GALK2: variants seen among roughly 807,000 people sequenced by gnomAD.
GALK2 encodes N-acetylgalactosamine kinase.
A neutral mutation model predicts 52.4 loss-of-function variants in GALK2; 36 were observed. The observed-to-expected ratio is 0.69, with a 90% CI of 0.53 to 0.91. The LOEUF (loss-of-function observed/expected upper bound fraction) is 0.91. Among genes scored for constraint, GALK2 ranks in the 40% least tolerant of loss-of-function variants. GALK2 has a pLI of 0.00. For missense variants in GALK2, 579 were observed against 559.1 expected (o/e 1.04, Z -0.36); for synonymous variants, 176 against 199.1 (o/e 0.88, Z 0.98).
At chr15:49,315,171 A>G (rs1693340627) in intron 8 of GALK2, among the ~76,000 whole-genome samples, 1 of 152,234 alleles carries the variant, frequency 6.6e-6, no homozygotes. Context: ...TCTGAAGACT[A>G]TGACGTATAT....
At chr15:49,167,468 C>T (rs971266283), upstream of GALK2, among the ~76,000 whole-genome samples, 1 of 152,098 alleles carries the variant, frequency 6.6e-6, no homozygotes, top group Non-Finnish European at 1.5e-5. Context: ...AGCGATTCTC[C>T]CGCCTCAGCC....
In GALK2 at chr15:49,351,324, T is replaced by C. The variant is rs77183404; in HGVS notation, c.427-16167T>C. The stretch of plus-strand genomic sequence containing the variant: ...GTACTTAGCCACTCCTTTTAGATCA[T>C]GTTAAAGTCTTTCCTGGAAGATACG... On this transcript the variant is annotated intron_variant, in intron 3 of 3. Coordinates refer to the GALK2 transcript ENST00000558399. Among the ~76,000 whole-genome samples, 485 of 152,316 alleles carry C rather than the reference T, an allele frequency of 3.2e-3. 16 individuals are homozygous for C. In the East Asian group the frequency reaches 0.088, roughly 28 times the overall value.
chr15:49,268,742 A>G (rs1478476463), intron 5 of GALK2, among the ~76,000 whole-genome samples: 2 of 152,190 alleles, frequency 1.3e-5, no homozygotes, highest in Non-Finnish European at 2.9e-5. Flanking sequence ...AGACAATGTT[A>G]GCATCTTTTG....
At chr15:49,356,031 A>G (rs1042027396) in intron 3 of GALK2, among the ~76,000 whole-genome samples, 1 of 152,030 alleles carries the variant, frequency 6.6e-6, no homozygotes, top group African/African-American at 2.4e-5. Flanking sequence ...TTTACAGACA[A>G]GCAAATGCTG....
intron 3 of GALK2, among the ~76,000 whole-genome samples, chr15:49,343,127 T>C (rs1391894286): frequency 6.6e-6 from 1 of 152,194 alleles, no homozygotes; most frequent in Non-Finnish European, 1.5e-5. Flanking sequence ...GTTTTCTGTG[T>C]TGTATACTTT....
At chr15:49,318,861 T>G (rs1428217369) in intron 8 of GALK2, 1 of 434,074 alleles carries the variant, frequency 2.3e-6, no homozygotes, top group East Asian at 7.1e-5. Flanking sequence ...TTCACTCTAT[T>G]GAGCCTCCTT....
chr15:49,239,120 G>A (rs2090974122), intron 4 of GALK2, 101 bp from the exon 5 acceptor site: 3 of 941,204 alleles, frequency 3.2e-6, no homozygotes, highest in Non-Finnish European at 5.0e-6. Flanking sequence ...ACTATTATAA[G>A]TCTATTGATA....
rs769424963 is a variant in GALK2 at position 49,331,868 on chromosome 15, A to G, written c.*3709A>G. 69 of 1,502,762 alleles carry G rather than the reference A, an allele frequency of 4.6e-5. No homozygotes were observed. Among genetic ancestry groups the G allele is most frequent in the Middle Eastern group, 3.4e-4 (2 of 5,878 alleles). 93.1% of individuals were successfully genotyped at this position (1,502,762 alleles called of 1,614,324 possible). On this transcript the variant is annotated 3_prime_UTR_variant, in exon 10 of 10. Coordinates refer to ENST00000560031, the MANE Select transcript of GALK2 (RefSeq NM_002044.4). ...TTGGAGTCTAATCATGGAATAAAGA[A>G]AATCAGTAACCAAACTAATTGTCCT...
chr15:49,325,229 C>T (rs1185773728), intron 9 of GALK2, among the ~76,000 whole-genome samples: 1 of 152,162 alleles, frequency 6.6e-6, no homozygotes, highest in Non-Finnish European at 1.5e-5. Context: ...CTAGCCTTTG[C>T]CATCGTGCTT....
At chr15:49,244,835 CT>C (rs1235454208) in intron 5 of GALK2, among the ~76,000 whole-genome samples, 30 of 151,970 alleles carry the variant, frequency 2.0e-4, no homozygotes, top group Non-Finnish European at 4.4e-4. Flanking sequence ...AACTTATAAT[CT>C]TATCAGTAAA....
At chr15:49,260,332 T>G (rs1308258332) in intron 5 of GALK2, among the ~76,000 whole-genome samples, 1 of 152,190 alleles carries the variant, frequency 6.6e-6, no homozygotes. Flanking sequence ...TGATGGCCAA[T>G]TTCATGTGTT....
chr15:49,159,562 C>T (rs554211257), intron 1 of GALK2, among the ~76,000 whole-genome samples: 93 of 133,012 alleles, frequency 7.0e-4, no homozygotes, highest in African/African-American at 2.5e-3. Context: ...GGCGACAGAA[C>T]AAGACTCTGT....
intron 3 of GALK2, among the ~76,000 whole-genome samples, chr15:49,346,958 C>T (rs1596353747): frequency 6.6e-6 from 1 of 152,172 alleles, no homozygotes; most frequent in East Asian, 1.9e-4. Flanking sequence ...GTTTACCCAA[C>T]ATCCATGTAT....
chr15:49,271,284 C>CT (rs1555421451), intron 5 of GALK2, among the ~76,000 whole-genome samples: 2 of 151,962 alleles, frequency 1.3e-5, no homozygotes, highest in African/African-American at 4.8e-5. Flanking sequence ...TCCCCAACAA[C>CT]TTTTTTTTAG....
At chr15:49,286,618 G>A (rs866695528) in intron 7 of GALK2, among the ~76,000 whole-genome samples, 2 of 152,194 alleles carry the variant, frequency 1.3e-5, no homozygotes, top group South Asian at 4.1e-4. Flanking sequence ...TTAAGATAGT[G>A]TCTAAAAATA....
intron 8 of GALK2, among the ~76,000 whole-genome samples, chr15:49,314,606 C>G (rs1428684340): frequency 2.0e-5 from 3 of 152,200 alleles, no homozygotes; most frequent in African/African-American, 4.8e-5. Context: ...TGAACCCCTA[C>G]TAAGTGCCAG....
At chr15:49,202,718 A>G (rs2087889069) in intron 2 of GALK2, among the ~76,000 whole-genome samples, 2 of 152,208 alleles carry the variant, frequency 1.3e-5, no homozygotes, top group South Asian at 2.1e-4. Flanking sequence ...ATATATACCT[A>G]GTAATGGGAT....
At chr15:49,206,738 A>G (rs2088320313) in intron 2 of GALK2, among the ~76,000 whole-genome samples, 1 of 152,124 alleles carries the variant, frequency 6.6e-6, no homozygotes, top group Non-Finnish European at 1.5e-5. Flanking sequence ...AGCTTTCTGA[A>G]GGAGTCCATA....
Position 49,201,842 on chromosome 15 carries a change from C to A in GALK2, c.142+592C>A, listed in dbSNP as rs376349101. ...TGTATCTTTTTTTCATTTAATATATCATAAATATTTCCATGTATCTATTTC... is the reference window on the plus strand; with the variant it reads ...TGTATCTTTTTTTCATTTAATATATAATAAATATTTCCATGTATCTATTTC... On this transcript the variant is annotated intron_variant, in intron 2 of 9. Coordinates refer to ENST00000560031, the MANE Select transcript of GALK2 (RefSeq NM_002044.4). Among the ~76,000 whole-genome samples the A allele has an allele frequency of 2.0e-5, 3 of 152,000 alleles. No homozygotes were observed. In the South Asian group the frequency reaches 6.2e-4, roughly 31 times the overall value.
Sources: gnomAD v4.1 joint callset for allele counts (sites outside exome capture counted in the v4.1 genomes callset) on GRCh38, gnomAD v4.1.1 for gene constraint, MANE v1.5 for transcripts, NCBI Gene and HGNC (gene_info 2026-07-23, HGNC 2026-07-21) for gene names.